EPHB1: variants seen among roughly 807,000 people sequenced by gnomAD.
The protein encoded by EPHB1 is ephrin type-B receptor 1.
EPHB1 carries 30 observed loss-of-function variants against 94.4 expected under a neutral mutation model. The ratio of observed to expected loss-of-function variants is 0.32; its 90% CI spans 0.24 to 0.43. EPHB1 has a LOEUF of 0.43. EPHB1 is among the 20% of genes least tolerant of loss of function. The pLI is 1.00. For missense variants in EPHB1, 1,055 were observed against 1,308.3 expected (o/e 0.81, Z 2.99); for synonymous variants, 522 against 489.1 (o/e 1.07, Z -0.89).
At chr3:135,257,171 C>T (rs1423817319) in intron 15 of EPHB1, among the ~76,000 whole-genome samples, 7 of 151,832 alleles carry the variant, frequency 4.6e-5, no homozygotes, top group Admixed American at 2.6e-4. Context: ...AATGTCCTCC[C>T]GTAGCTCAGA....
chr3:134,827,351 G>A (rs762741587), intron 1 of EPHB1, among the ~76,000 whole-genome samples: 5 of 137,392 alleles, frequency 3.6e-5, no homozygotes, highest in Admixed American at 1.4e-4. Flanking sequence ...ACAGATGTGC[G>A]CGGGTGCGCG....
chr3:135,251,793 G>A (rs146746630), intron 15 of EPHB1, among the ~76,000 whole-genome samples: 4 of 152,200 alleles, frequency 2.6e-5, no homozygotes, highest in African/African-American at 9.6e-5. Context: ...CCAGCCAAGC[G>A]TTCACCAGGG....
intron 15 of EPHB1, among the ~76,000 whole-genome samples, chr3:135,258,463 C>T (rs181318221): frequency 2.0e-5 from 3 of 152,236 alleles, no homozygotes; most frequent in Non-Finnish European, 2.9e-5. Flanking sequence ...GGACATATTC[C>T]TTGGGTTCCT....
chr3:135,209,691 GGCT>G (rs1012191090), intron 12 of EPHB1, among the ~76,000 whole-genome samples: 1 of 152,150 alleles, frequency 6.6e-6, no homozygotes, highest in Non-Finnish European at 1.5e-5. Context: ...ACAATTGTTG[GGCT>G]GGAATAGGGT....
chr3:135,005,914 G>A lies in EPHB1; in HGVS notation c.805+53862G>A, dbSNP rs486241. ...TCAGATGGAAATGCAGAAATCACCT[G>A]TCTTCTGTGTCGCTCAGGCTGGGAG... On this transcript the variant is annotated intron_variant, in intron 3 of 15. Transcript: ENST00000398015. Among the ~76,000 whole-genome samples the A allele has an allele frequency of 2.2e-3, 334 of 152,318 alleles. 3 individuals are homozygous for A. The highest frequency in any genetic ancestry group is 7.6e-3 in the African/African-American group (315 of 41,566).
chr3:135,133,102 C>T (rs1021938473), intron 5 of EPHB1, 53 bp downstream of exon 5: 10 of 1,510,782 alleles, frequency 6.6e-6, no homozygotes, highest in Non-Finnish European at 8.9e-6. Context: ...GGCTCTTTGT[C>T]TCTAGGCAGG....
rs559625924 is a variant in EPHB1 at position 135,103,864 on chromosome 3, G to C, written c.806-2584G>C. Reference sequence around the variant, plus strand: ...TCTCATGGACACCTTGGAATTCAGAGACTCAGTCACCCAGAGCTACTGTCC... The same window carrying C: ...TCTCATGGACACCTTGGAATTCAGACACTCAGTCACCCAGAGCTACTGTCC... On this transcript the variant is annotated intron_variant, in intron 3 of 15. Transcript: ENST00000398015. Among the ~76,000 whole-genome samples, 221 of 152,306 alleles carry C rather than the reference G, an allele frequency of 1.5e-3. 2 individuals carry two copies. The highest frequency in any genetic ancestry group is 5.0e-3 in the African/African-American group (209 of 41,560).
intron 3 of EPHB1, among the ~76,000 whole-genome samples, chr3:135,062,812 G>C (rs1443803940): frequency 2.0e-5 from 3 of 152,140 alleles, no homozygotes; most frequent in Non-Finnish European, 4.4e-5. Flanking sequence ...GATTTTTATA[G>C]TTTCAGGTCT....
At chr3:134,886,897 A>G (rs1051113164) in intron 1 of EPHB1, among the ~76,000 whole-genome samples, 2 of 152,176 alleles carry the variant, frequency 1.3e-5, no homozygotes, top group Non-Finnish European at 2.9e-5. Context: ...GACTGTTACA[A>G]ATTGATTAAA....
At chr3:134,820,765 G>A (rs1054954378) in intron 1 of EPHB1, among the ~76,000 whole-genome samples, 7 of 152,026 alleles carry the variant, frequency 4.6e-5, no homozygotes, top group South Asian at 2.1e-4. Flanking sequence ...CTCCTGCCCC[G>A]GAACGTTTGC....
At chr3:134,957,774 C>A (rs1251754770) in intron 3 of EPHB1, among the ~76,000 whole-genome samples, 8 of 152,166 alleles carry the variant, frequency 5.3e-5, no homozygotes, top group African/African-American at 1.9e-4. Context: ...ATCAAACCTG[C>A]AGGACTCCTA....
At chr3:134,845,800 G>A (rs2036861685) in intron 1 of EPHB1, among the ~76,000 whole-genome samples, 1 of 152,136 alleles carries the variant, frequency 6.6e-6, no homozygotes, top group African/African-American at 2.4e-5. Flanking sequence ...GCACTCACAT[G>A]TCACAGTATT....
At chr3:135,005,659 G>T (rs1333808044) in intron 3 of EPHB1, among the ~76,000 whole-genome samples, 1 of 152,226 alleles carries the variant, frequency 6.6e-6, no homozygotes, top group Non-Finnish European at 1.5e-5. Flanking sequence ...ATAATCTCCT[G>T]GTGCGCTGTT....
chr3:134,889,989 A>T (rs575197496), intron 1 of EPHB1, among the ~76,000 whole-genome samples: 1 of 152,250 alleles, frequency 6.6e-6, no homozygotes, highest in Non-Finnish European at 1.5e-5. Flanking sequence ...CAGACCTACA[A>T]AAAGTATATG....
At chr3:135,023,739 G>A (rs936410631) in intron 3 of EPHB1, among the ~76,000 whole-genome samples, 7 of 152,082 alleles carry the variant, frequency 4.6e-5, no homozygotes, top group Admixed American at 3.9e-4. Context: ...TCAATTTGTA[G>A]TATATGCAGG....
intron 1 of EPHB1, among the ~76,000 whole-genome samples, chr3:134,843,793 C>A (rs561117017): frequency 6.6e-6 from 1 of 152,120 alleles, no homozygotes; most frequent in East Asian, 1.9e-4. Context: ...TATTGTTATA[C>A]TTTCTCTAGT....
intron 3 of EPHB1, among the ~76,000 whole-genome samples, chr3:134,967,063 T>C (rs1317625547): frequency 6.6e-6 from 1 of 152,180 alleles, no homozygotes; most frequent in Non-Finnish European, 1.5e-5. Context: ...AGACCAACTT[T>C]GGAGAGCTGT....
intron 3 of EPHB1, among the ~76,000 whole-genome samples, chr3:134,961,662 C>A (rs529084212): frequency 6.6e-6 from 1 of 152,194 alleles, no homozygotes; most frequent in African/African-American, 2.4e-5. Context: ...GACTTTGCAC[C>A]TAGTTTCCCC....
Position 134,915,864 on chromosome 3 carries a change from T to C in EPHB1, c.59-9952T>C, listed in dbSNP as rs543346870. ...AAGAGTGAGCAGCAGCAAGATTTAT[T>C]GCAAAGAGCGAAAGAGCAAAGCTTC... On this transcript the variant is annotated intron_variant, in intron 1 of 15. Transcript: ENST00000398015. Among the ~76,000 whole-genome samples the C allele has an allele frequency of 2.6e-5, 4 of 152,324 alleles. No individual in the cohort carries two copies. In the South Asian group the frequency reaches 8.3e-4, roughly 32 times the overall value.
Sources: allele counts gnomAD v4.1 joint callset (sites outside exome capture counted in the v4.1 genomes callset), GRCh38; gene constraint gnomAD v4.1.1; transcripts MANE v1.5; gene names NCBI Gene and HGNC (gene_info 2026-07-23, HGNC 2026-07-21).